AGMO: variants seen among roughly 807,000 people sequenced by gnomAD.
AGMO encodes glyceryl-ether monooxygenase.
Under a neutral mutation model 60.2 loss-of-function variants are expected in AGMO, and 75 were observed. That is an observed-to-expected ratio of 1.25 (90% CI 1.03 to 1.51). The LOEUF (loss-of-function observed/expected upper bound fraction) is 1.51. Among genes scored for constraint, AGMO ranks in the 40% most tolerant of loss-of-function variants. AGMO has a pLI of 0.00. For missense variants in AGMO, 763 were observed against 525.5 expected (o/e 1.45, Z -4.42); for synonymous variants, 261 against 177.1 (o/e 1.47, Z -3.76).
intron 3 of AGMO, among the ~76,000 whole-genome samples, chr7:15,437,932 C>G (rs922027717): frequency 6.6e-6 from 1 of 152,108 alleles, no homozygotes; most frequent in South Asian, 2.1e-4. Context: ...AAAACTGTGG[C>G]AAACACTATA....
At chr7:15,250,513 G>C (rs1001755017) in intron 12 of AGMO, among the ~76,000 whole-genome samples, 2 of 151,366 alleles carry the variant, frequency 1.3e-5, no homozygotes, top group East Asian at 3.9e-4. Flanking sequence ...GTCTCAGAAG[G>C]AATTGAGCCT....
intron 3 of AGMO, among the ~76,000 whole-genome samples, chr7:15,534,208 G>A (rs2128543805): frequency 6.6e-6 from 1 of 151,942 alleles, no homozygotes; most frequent in South Asian, 2.1e-4. Context: ...AGCTGGAAAA[G>A]CATATTTTAA....
At chr7:15,423,779 C>G (rs1304721181) in intron 4 of AGMO, among the ~76,000 whole-genome samples, 1 of 148,710 alleles carries the variant, frequency 6.7e-6, no homozygotes, top group Non-Finnish European at 1.5e-5. Flanking sequence ...AACACCAAAG[C>G]TGCAAACCAC....
chr7:15,213,352 T>C lies in AGMO; in HGVS notation c.1264-11993A>G, dbSNP rs78687849. ...ATTTTCTCAGGACAAGCAGTTTATT[T>C]GTTCAATGCGAGGGTAGAAATAGAA... On this transcript the variant is annotated intron_variant, in intron 12 of 12. Transcript: ENST00000342526. Among the ~76,000 whole-genome samples the C allele has an allele frequency of 8.5e-3, 1,296 of 151,968 alleles. 13 individuals are homozygous for C. The highest frequency in any genetic ancestry group is 0.03 in the African/African-American group (1,241 of 41,522).
At chr7:15,234,599 G>C (rs188549031) in intron 12 of AGMO, among the ~76,000 whole-genome samples, 10 of 152,012 alleles carry the variant, frequency 6.6e-5, no homozygotes, top group Non-Finnish European at 7.4e-5. Context: ...TCTATAGCTG[G>C]GGTCAGCAAC....
At chr7:15,174,139 A>G in the AGMO span, among the ~76,000 whole-genome samples, 2 of 151,946 alleles carry the variant, frequency 1.3e-5, no homozygotes, top group East Asian at 1.9e-4. Context: ...TGGTACTTCT[A>G]TGTATTTCTT....
At chr7:15,467,205 C>G (rs544242117) in intron 3 of AGMO, among the ~76,000 whole-genome samples, 1 of 152,150 alleles carries the variant, frequency 6.6e-6, no homozygotes, top group South Asian at 2.1e-4. Flanking sequence ...TCTTCCATGC[C>G]TAATAGATGT....
the AGMO span, among the ~76,000 whole-genome samples, chr7:15,137,639 T>C: frequency 6.6e-6 from 1 of 152,158 alleles, no homozygotes; most frequent in Non-Finnish European, 1.5e-5. Flanking sequence ...ATGGATGGGT[T>C]GATTTTTTTC....
chr7:15,200,116 TTTAAATTATTAAATTTTATTA>T (rs965441521), downstream of AGMO, among the ~76,000 whole-genome samples: 1 of 151,990 alleles, frequency 6.6e-6, no homozygotes, highest in African/African-American at 2.4e-5. Flanking sequence ...TCTTTGATTA[TTTAAATTATTAAATTTTATTA>T]TTAAATTATT....
At chr7:15,330,055 T>G (rs1449663731) in intron 12 of AGMO, among the ~76,000 whole-genome samples, 1 of 122,874 alleles carries the variant, frequency 8.1e-6, no homozygotes, top group South Asian at 2.6e-4. Context: ...AAATATAGAA[T>G]TATTTTCTTT....
intron 3 of AGMO, among the ~76,000 whole-genome samples, chr7:15,462,134 A>G (rs947493497): frequency 6.6e-6 from 1 of 152,174 alleles, no homozygotes; most frequent in African/African-American, 2.4e-5. Context: ...TATCACCTAC[A>G]TAAACATAGA....
chr7:15,448,072 C>T (rs1055281361), intron 3 of AGMO, among the ~76,000 whole-genome samples: 2 of 152,150 alleles, frequency 1.3e-5, no homozygotes, highest in Non-Finnish European at 2.9e-5. Flanking sequence ...AGGGATTTGA[C>T]TTTGGTCTTA....
At chr7:15,542,406 T>C (rs532014650) in intron 3 of AGMO, among the ~76,000 whole-genome samples, 5 of 152,312 alleles carry the variant, frequency 3.3e-5, no homozygotes, top group Admixed American at 3.3e-4. Flanking sequence ...AATATGTTAT[T>C]TTACTTTATT....
chr7:15,154,322 A>C, the AGMO span, among the ~76,000 whole-genome samples: 1 of 152,196 alleles, frequency 6.6e-6, no homozygotes, highest in Non-Finnish European at 1.5e-5. Flanking sequence ...AATATACCTA[A>C]GCAAAGAGGT....
chr7:15,208,833 T>C (rs1781505705), intron 12 of AGMO, among the ~76,000 whole-genome samples: 1 of 152,232 alleles, frequency 6.6e-6, no homozygotes, highest in Admixed American at 6.5e-5. Context: ...CCAGCATGTT[T>C]TGAAACAGAA....
chr7:15,552,280 A>G (rs1199534554), intron 2 of AGMO, among the ~76,000 whole-genome samples: 1 of 152,226 alleles, frequency 6.6e-6, no homozygotes, highest in Non-Finnish European at 1.5e-5. Flanking sequence ...CATGTCCAAA[A>G]CACCAAAAGC....
chr7:15,446,835 T>C (rs1386723610), intron 3 of AGMO, among the ~76,000 whole-genome samples: 1 of 152,204 alleles, frequency 6.6e-6, no homozygotes, highest in Non-Finnish European at 1.5e-5. Flanking sequence ...TAAGGAAAGA[T>C]TGATGTCTGG....
intron 12 of AGMO, among the ~76,000 whole-genome samples, chr7:15,307,764 C>T (rs189407969): frequency 6.6e-6 from 1 of 152,158 alleles, no homozygotes; most frequent in African/African-American, 2.4e-5. Flanking sequence ...CAAACAAACT[C>T]AGTATCTCTC....
At chr7:15,395,923 T>G (rs1435512439) in intron 5 of AGMO, 1 of 152,178 alleles carries the variant, frequency 6.6e-6, no homozygotes, top group African/African-American at 2.4e-5. Context: ...CCTCAGCTTG[T>G]GGCATCACAT....
Sources: allele counts gnomAD v4.1 joint callset (sites outside exome capture counted in the v4.1 genomes callset), GRCh38; gene constraint gnomAD v4.1.1; transcripts MANE v1.5; gene names NCBI Gene and HGNC (gene_info 2026-07-23, HGNC 2026-07-21).